The following VEZT variants were observed in gnomAD, a reference collection of about 807,000 sequenced individuals.
VEZT encodes vezatin.
In VEZT, 39 loss-of-function variants were observed where a neutral mutation model predicts 79.9. The observed-to-expected ratio is 0.49, with a 90% CI of 0.38 to 0.64. The LOEUF is 0.64. VEZT is among the 30% of genes least tolerant of loss of function. VEZT has a pLI of 0.00. For missense variants in VEZT, 837 were observed against 893.1 expected (o/e 0.94, Z 0.80); for synonymous variants, 325 against 327.6 (o/e 0.99, Z 0.09).
intron 3 of VEZT, among the ~76,000 whole-genome samples, chr12:95,260,188 C>T (rs761916293): frequency 1.3e-5 from 2 of 149,758 alleles, no homozygotes; most frequent in South Asian, 2.1e-4. Context: ...TCACTGCAAC[C>T]TCTGCCTCCC....
intron 1 of VEZT, among the ~76,000 whole-genome samples, chr12:95,234,361 C>T (rs2059703429): frequency 6.6e-6 from 1 of 150,596 alleles, no homozygotes; most frequent in Non-Finnish European, 1.5e-5. Context: ...GATCTGGGCT[C>T]ACCGCAACCT....
intron 1 of VEZT, among the ~76,000 whole-genome samples, chr12:95,238,663 C>A (rs558246669): frequency 1.1e-4 from 16 of 152,300 alleles, no homozygotes; most frequent in Admixed American, 8.5e-4. Context: ...TAATACATCA[C>A]CTTCCTCCTC....
chr12:95,279,014 G>A (rs1593925383), intron 7 of VEZT, among the ~76,000 whole-genome samples: 1 of 152,358 alleles, frequency 6.6e-6, no homozygotes, highest in South Asian at 2.1e-4. Flanking sequence ...AAGTTGTGGT[G>A]AGCCAAGATC....
intron 1 of VEZT, among the ~76,000 whole-genome samples, chr12:95,237,353 C>A (rs746693648): frequency 6.6e-6 from 1 of 152,050 alleles, no homozygotes; most frequent in Non-Finnish European, 1.5e-5. Context: ...TGTCTGGGTA[C>A]TCAATAAATG....
chr12:95,274,669 A>G, intron 6 of VEZT, 73 bp from the exon 7 acceptor site: 6 of 1,492,460 alleles, frequency 4.0e-6, no homozygotes, highest in Non-Finnish European at 5.4e-6. Context: ...AGGGAATGTG[A>G]TATAGGACAA....
chr12:95,237,956 A>T (rs936892256), intron 1 of VEZT, among the ~76,000 whole-genome samples: 1 of 152,242 alleles, frequency 6.6e-6, no homozygotes, highest in Non-Finnish European at 1.5e-5. Context: ...TGTAGCTTCT[A>T]TGAAACTTAA....
At chr12:95,268,189 C>G (rs1032473077) in intron 5 of VEZT, among the ~76,000 whole-genome samples, 9 of 152,042 alleles carry the variant, frequency 5.9e-5, no homozygotes, top group Non-Finnish European at 1.2e-4. Flanking sequence ...TTAAAAAAAT[C>G]ATGCTTAAAA....
rs1284050469 is a variant in VEZT, at chr12:95,300,218, G to A, written c.1885G>A (p.Glu629Lys). 6.4e-7 allele frequency: 1 copy of A among 1,560,292 alleles called. No individual in the cohort carries two copies. The change falls in exon 12 of 12, where the codon GAA becomes AAA. Residue 629 changes from glutamate (E) to lysine (K), a missense_variant. Coordinates refer to ENST00000436874, the MANE Select transcript of VEZT (RefSeq NM_017599.4). ...VDPVEPISNS[E>K]PSMNSDMGKV... ...CCCAGTGGAACCCATAAGTAATTCA[G>A]AACCATCAATGAATTCAGATATGGG...
intron 9 of VEZT, chr12:95,290,770 G>C (rs1337845658): frequency 6.6e-6 from 1 of 152,058 alleles, no homozygotes; most frequent in Non-Finnish European, 1.5e-5. Context: ...TAAGGATGAT[G>C]TACAAATTCA....
At chr12:95,274,427 C>T (rs1358419709) in intron 6 of VEZT, among the ~76,000 whole-genome samples, 2 of 152,180 alleles carry the variant, frequency 1.3e-5, no homozygotes. Flanking sequence ...GTTGGTGCCA[C>T]TGCACTCCAG....
intron 7 of VEZT, among the ~76,000 whole-genome samples, chr12:95,281,792 C>T (rs544276822): frequency 8.5e-5 from 13 of 152,054 alleles, no homozygotes; most frequent in South Asian, 2.1e-4. Context: ...GTGATCCATC[C>T]GCCTTCACCT....
intron 1 of VEZT, among the ~76,000 whole-genome samples, chr12:95,249,669 A>G (rs2062212440): frequency 6.6e-6 from 1 of 152,210 alleles, no homozygotes; most frequent in East Asian, 1.9e-4. Context: ...ATGCAAGAAT[A>G]TATTCCCTAA....
At chr12:95,282,221 A>T in intron 7 of VEZT, 92 bp from the exon 8 acceptor site, 2 of 1,203,816 alleles carry the variant, frequency 1.7e-6, no homozygotes, top group Non-Finnish European at 2.3e-6. Context: ...TGCAAAATTT[A>T]AACCAGAAGT....
At position 95,301,840 on chromosome 12, in the gene VEZT, A is replaced by G. The variant is rs1238383362; in HGVS notation, c.*1167A>G. On this transcript the variant is annotated 3_prime_UTR_variant, in exon 12 of 12. Coordinates refer to ENST00000436874, the MANE Select transcript of VEZT (RefSeq NM_017599.4). ...AAACACATTCAAATTCCTGTAACTTATCACTTTCAGTGAGTAAATTTACTT... is the reference window on the plus strand; with the variant it reads ...AAACACATTCAAATTCCTGTAACTTGTCACTTTCAGTGAGTAAATTTACTT... 6.6e-6 allele frequency: 1 copy of G among 152,200 alleles called. No homozygotes were observed. The highest frequency in any genetic ancestry group is 6.5e-5 in the Admixed American group (1 of 15,282). 9.4% of individuals were successfully genotyped at this position (152,200 alleles called of 1,614,324 possible).
chr12:95,296,354 T>C, intron 11 of VEZT, 96 bp downstream of exon 11: 1 of 1,234,318 alleles, frequency 8.1e-7, no homozygotes, highest in East Asian at 2.6e-5. Context: ...ATTCTTGGGG[T>C]TTTATAAGGG....
chr12:95,292,160 A>G (rs1475713174), intron 9 of VEZT, among the ~76,000 whole-genome samples: 1 of 152,154 alleles, frequency 6.6e-6, no homozygotes, highest in Non-Finnish European at 1.5e-5. Context: ...AGATTGTTAA[A>G]TATTCAGAAA....
intron 1 of VEZT, among the ~76,000 whole-genome samples, chr12:95,226,088 T>C (rs1201656626): frequency 1.5e-5 from 2 of 135,602 alleles, no homozygotes; most frequent in African/African-American, 5.7e-5. Flanking sequence ...ATTGAGACTT[T>C]GCCTTTATTT....
In VEZT at chr12:95,301,573, A is replaced by T. The variant is rs1397832322; in HGVS notation, c.*900A>T. 2 of 152,172 alleles carry T rather than the reference A, an allele frequency of 1.3e-5. No individual in the cohort carries two copies. Among genetic ancestry groups the T allele is most frequent in the Admixed American group, 6.5e-5 (1 of 15,268 alleles). The allele number at this position is 152,172 out of a possible 1,614,324, so 9.4% of individuals were successfully genotyped here. ...AGCATCCTTGTCTCCTTAGTATTTC[A>T]TTTACAAACTACCTCTTAACAGAGA... On this transcript the variant is annotated 3_prime_UTR_variant, in exon 12 of 12. Coordinates refer to ENST00000436874, the MANE Select transcript of VEZT (RefSeq NM_017599.4).
chr12:95,291,924 G>A (rs1594175803), intron 9 of VEZT, among the ~76,000 whole-genome samples: 1 of 152,002 alleles, frequency 6.6e-6, no homozygotes, highest in South Asian at 2.1e-4. Flanking sequence ...TCAGCCTCTC[G>A]AATAGCTGGA....
Sources: allele counts gnomAD v4.1 joint callset (sites outside exome capture counted in the v4.1 genomes callset), GRCh38; gene constraint gnomAD v4.1.1; transcripts MANE v1.5; gene names NCBI Gene and HGNC (gene_info 2026-07-23, HGNC 2026-07-21).